The following PRC1 variants were observed in gnomAD, a reference collection of about 807,000 sequenced individuals.
PRC1 encodes protein regulator of cytokinesis 1.
In PRC1, 54 loss-of-function variants were observed where a neutral mutation model predicts 91.2. The observed-to-expected ratio is 0.59, with a 90% CI of 0.48 to 0.74. The LOEUF (loss-of-function observed/expected upper bound fraction) is 0.74. Among genes scored for constraint, PRC1 ranks in the 30% least tolerant of loss-of-function variants. The pLI, the probability that PRC1 is intolerant of heterozygous loss-of-function variation, is 0.00. For missense variants in PRC1, 727 were observed against 746.2 expected (o/e 0.97, Z 0.30); for synonymous variants, 275 against 263.6 (o/e 1.04, Z -0.42).
At chr15:90,969,760 A>AG (rs2037900500) in intron 12 of PRC1, 137 bp from the exon 13 acceptor site, 1 of 179,442 alleles carries the variant, frequency 5.6e-6, no homozygotes, top group Admixed American at 8.2e-5. Context: ...GTTAAAAAAA[A>AG]AACATATATA....
At chr15:90,983,827 C>A (rs576210278) in intron 3 of PRC1, 191 bp downstream of exon 3, 5 of 623,194 alleles carry the variant, frequency 8.0e-6, no homozygotes, top group African/African-American at 5.6e-5. Flanking sequence ...TCACCTCTTA[C>A]CAGGGCAACT....
intron 9 of PRC1, among the ~76,000 whole-genome samples, chr15:90,975,854 A>AGGTCATTAG (rs1228923573): frequency 6.6e-6 from 1 of 152,138 alleles, no homozygotes; most frequent in African/African-American, 2.4e-5. Context: ...AGTTAAAATG[A>AGGTCATTAG]GGTCATTAGG....
At chr15:90,985,568 T>C (rs2039516627) in intron 1 of PRC1, among the ~76,000 whole-genome samples, 1 of 149,902 alleles carries the variant, frequency 6.7e-6, no homozygotes, top group Admixed American at 6.6e-5. Flanking sequence ...TATTTTCTTT[T>C]TTTTTTTTGA....
At chr15:90,983,339 T>A (rs2039352463) in intron 3 of PRC1, among the ~76,000 whole-genome samples, 1 of 152,152 alleles carries the variant, frequency 6.6e-6, no homozygotes, top group Non-Finnish European at 1.5e-5. Flanking sequence ...TCCACATCTG[T>A]CCTAATTTTT....
chr15:90,976,828 T>A (rs1596301903), intron 8 of PRC1, 57 bp from the exon 9 acceptor site: 1 of 1,402,426 alleles, frequency 7.1e-7, no homozygotes, highest in East Asian at 2.3e-5. Context: ...ACCAATAACT[T>A]CTGCTAAGAT....
At chr15:90,969,051 AGG>A in intron 14 of PRC1, 26 bp downstream of exon 14, 2 of 1,614,038 alleles carry the variant, frequency 1.2e-6, no homozygotes, top group Non-Finnish European at 1.7e-6. Flanking sequence ...AGTTTGGAAA[AGG>A]GACATGCAGG....
At chr15:90,975,395 T>A (rs1427165377) in intron 9 of PRC1, among the ~76,000 whole-genome samples, 1 of 152,190 alleles carries the variant, frequency 6.6e-6, no homozygotes, top group Non-Finnish European at 1.5e-5. Context: ...TTTACCTAAT[T>A]TCTTAGTACC....
Position 90,969,480 on chromosome 15 carries a change from A to T in PRC1, c.1716T>A (p.Ile572=), listed in dbSNP as rs1422068212. The T allele has an allele frequency of 6.2e-7, 1 of 1,610,766 alleles. No individual in the cohort carries two copies. The highest frequency in any genetic ancestry group is 1.7e-5 in the Admixed American group (1 of 59,262). ...CAGAATAGGTGCTGGCAACAGAATT[A>T]ATGCTGAAGTTGCGCTGGAGGGGGG... ...GSAPLQRNFS[I]NSVASTYSEF... is the part of the protein sequence containing the mutation. Residue 572 remains isoleucine, a synonymous_variant, in exon 13 of 15, where the codon ATT becomes ATA. Transcript: ENST00000394249.
At chr15:90,973,345 G>A (rs2038340192) in intron 11 of PRC1, among the ~76,000 whole-genome samples, 1 of 152,246 alleles carries the variant, frequency 6.6e-6, no homozygotes, top group Non-Finnish European at 1.5e-5. Flanking sequence ...CTCGGTAAAA[G>A]TCATCTGCAT....
Position 90,974,071 on chromosome 15 carries a change from G to T in PRC1, c.1461+65C>A, listed in dbSNP as rs2038430309. ...TGTGGAGGGGCTGGCCCCCTTCAAA[G>T]AGGTGGCTGGGACTACCCTCACCCA... On this transcript the variant is annotated intron_variant, in intron 11 of 14. Coordinates refer to ENST00000394249, the MANE Select transcript of PRC1 (RefSeq NM_003981.4). The surrounding 1 kb of genome is among the most constrained non-coding windows in gnomAD (Gnocchi z 4.6). 2 of 1,383,738 alleles carry T rather than the reference G, an allele frequency of 1.4e-6. No individual in the cohort carries two copies. The highest frequency in any genetic ancestry group is 1.7e-5 in the Admixed American group (1 of 58,916). The allele number at this position is 1,383,738 out of a possible 1,614,324, so 85.7% of individuals were successfully genotyped here. A position where few individuals can be genotyped will look rare whatever the true frequency, so the allele number is the denominator to read the frequency against.
chr15:90,991,503 C>G (rs1187131620), intron 1 of PRC1, among the ~76,000 whole-genome samples: 1 of 151,830 alleles, frequency 6.6e-6, no homozygotes, highest in African/African-American at 2.4e-5. Context: ...TTGGAATTAC[C>G]AAACACCCAT....
chr15:90,974,509 G>A lies in PRC1; in HGVS notation c.1350+76C>T. On this transcript the variant is annotated intron_variant, in intron 10 of 14. Coordinates refer to ENST00000394249, the MANE Select transcript of PRC1 (RefSeq NM_003981.4). The surrounding 1 kb of genome is among the most constrained non-coding windows in gnomAD (Gnocchi z 4.6). ...CCGGCTCCCTGTTCCACAAACCCTG[G>A]TCCCCGGCAGAGACTATGGGCTGCT... The A allele has an allele frequency of 6.3e-7, 1 of 1,585,718 alleles. No homozygotes were observed. The highest frequency in any genetic ancestry group is 1.1e-5 in the South Asian group (1 of 89,316).
intron 14 of PRC1, 180 bp from the exon 15 acceptor site, chr15:90,967,382 C>T (rs1457876874): frequency 1.6e-6 from 1 of 610,006 alleles, no homozygotes; most frequent in Non-Finnish European, 2.9e-6. Context: ...TTCTATTAGT[C>T]ACAGACAGAG....
chr15:90,968,948 T>G, intron 14 of PRC1, 131 bp downstream of exon 14: 1 of 1,515,588 alleles, frequency 6.6e-7, no homozygotes. Context: ...TTTGAGTCCA[T>G]GATAGGAATT....
Position 90,966,936 on chromosome 15 carries a change from G to C in PRC1, c.*195C>G, listed in dbSNP as rs1291615032. On this transcript the variant is annotated 3_prime_UTR_variant, in exon 15 of 15. Coordinates refer to ENST00000394249, the MANE Select transcript of PRC1 (RefSeq NM_003981.4). ...TTTCATGTATATAAGTCAAAACCAAGTCTCCTAGGACCACTAAACCTATGA... is the reference window on the plus strand; with the variant it reads ...TTTCATGTATATAAGTCAAAACCAACTCTCCTAGGACCACTAAACCTATGA... 1.7e-6 allele frequency: 1 copy of C among 598,824 alleles called. No individual in the cohort carries two copies. 37.1% of individuals were successfully genotyped at this position (598,824 alleles called of 1,614,324 possible). A position where few individuals can be genotyped will look rare whatever the true frequency, so the allele number is the denominator to read the frequency against.
chr15:90,980,177 G>C, intron 7 of PRC1, 65 bp downstream of exon 7: 1 of 1,473,600 alleles, frequency 6.8e-7, no homozygotes, highest in Non-Finnish European at 9.0e-7. Context: ...CTTGAGACTA[G>C]GCTGGGCAAC....
intron 11 of PRC1, among the ~76,000 whole-genome samples, chr15:90,971,058 C>A (rs749792972): frequency 1.3e-5 from 2 of 152,194 alleles, no homozygotes; most frequent in Non-Finnish European, 2.9e-5. Flanking sequence ...CTGCGGGATT[C>A]TATGTAAAAT....
chr15:90,978,963 GC>G (rs1477709835), intron 8 of PRC1, among the ~76,000 whole-genome samples, 194 bp downstream of exon 8: 1 of 151,962 alleles, frequency 6.6e-6, no homozygotes, highest in East Asian at 1.9e-4. Context: ...CCTTATTTAA[GC>G]CATTAATTTT....
At chr15:90,972,027 CA>C in intron 11 of PRC1, among the ~76,000 whole-genome samples, 1 of 148,166 alleles carries the variant, frequency 6.7e-6, no homozygotes, top group Non-Finnish European at 1.5e-5. Context: ...GACTCCGTCT[CA>C]AAAAAACAAA....
Sources: allele counts gnomAD v4.1 joint callset (sites outside exome capture counted in the v4.1 genomes callset), GRCh38; gene constraint gnomAD v4.1.1; non-coding constraint Gnocchi (gnomAD v3.1); transcripts MANE v1.5; gene names NCBI Gene and HGNC (gene_info 2026-07-23, HGNC 2026-07-21).